The following SECISBP2L variants were observed in gnomAD, a reference collection of about 807,000 sequenced individuals.
SECISBP2L encodes selenocysteine insertion sequence-binding protein 2-like.
SECISBP2L carries 43 observed loss-of-function variants against 114.7 expected under a neutral mutation model. The ratio of observed to expected loss-of-function variants is 0.38; its 90% CI spans 0.29 to 0.48. The LOEUF (loss-of-function observed/expected upper bound fraction) is 0.48. Among genes scored for constraint, SECISBP2L ranks in the 20% least tolerant of loss-of-function variants. The pLI is 0.98. For missense variants in SECISBP2L, 1,136 were observed against 1,301.1 expected (o/e 0.87, Z 1.95); for synonymous variants, 451 against 439.7 (o/e 1.03, Z -0.32).
chr15:49,028,496 G>A lies in SECISBP2L; in HGVS notation c.851C>T (p.Pro284Leu). Residue 284 changes from proline (P) to leucine (L), a missense_variant, in exon 5 of 18, where the codon CCT (proline) becomes CTT (leucine). Physicochemically the swap from Pro to Leu is moderately conservative, Grantham distance 98. Around this residue, in one of 2 missense-constraint regions of SECISBP2L, gnomAD observed 452 missense variants for 452.3 expected, o/e 1.00. Coordinates refer to ENST00000559471, the MANE Select transcript of SECISBP2L (RefSeq NM_001193489.2). Reference protein sequence around the residue: ...YCSPKHSNNQPAAGALRNPDS... With the variant: ...YCSPKHSNNQLAAGALRNPDS... Reference sequence around the variant, plus strand: ...AGGATTTCTCAAAGCCCCTGCTGCAGGCTGGTTGTTGCTGTGTTTGGGACT... The same window carrying A: ...AGGATTTCTCAAAGCCCCTGCTGCAAGCTGGTTGTTGCTGTGTTTGGGACT... 1 of 1,614,152 alleles carries A rather than the reference G, an allele frequency of 6.2e-7. No homozygotes were observed.
intron 1 of SECISBP2L, among the ~76,000 whole-genome samples, chr15:49,038,756 T>C (rs1006687060): frequency 6.6e-6 from 1 of 152,138 alleles, no homozygotes; most frequent in Admixed American, 6.5e-5. Context: ...AAAAATCATA[T>C]AAATATTATA....
intron 2 of SECISBP2L, 58 bp downstream of exon 2, chr15:49,037,533 A>G: frequency 6.8e-7 from 1 of 1,477,432 alleles, no homozygotes. Context: ...TATTAAGTGC[A>G]CTTTGCCAGC....
At chr15:49,024,421 G>A (rs763146832) in intron 7 of SECISBP2L, among the ~76,000 whole-genome samples, 1 of 151,490 alleles carries the variant, frequency 6.6e-6, no homozygotes, top group Non-Finnish European at 1.5e-5. Context: ...ACTTGAACCC[G>A]GGAGGCGGAG....
intron 11 of SECISBP2L, among the ~76,000 whole-genome samples, chr15:49,014,988 T>G (rs1357558597): frequency 1.3e-5 from 2 of 151,900 alleles, no homozygotes; most frequent in African/African-American, 4.8e-5. Flanking sequence ...TATCACAGGT[T>G]AACAATCTCG....
In SECISBP2L at chr15:48,990,405, T is replaced by C. The variant is rs566734331; in HGVS notation, c.*1839A>G. ...GTAAGATCTGCCATGTATAAATCCA[T>C]GAGTACTATTTCAGAGGCTTCATTC... On this transcript the variant is annotated 3_prime_UTR_variant, in exon 18 of 18. Transcript: ENST00000559471. 3 of 152,498 alleles carry C rather than the reference T, an allele frequency of 2.0e-5. No homozygotes were observed. Among genetic ancestry groups the C allele is most frequent in the Admixed American group, 6.5e-5 (1 of 15,306 alleles). The allele number at this position is 152,498 out of a possible 1,614,324, so 9.4% of individuals were successfully genotyped here. A position where few individuals can be genotyped will look rare whatever the true frequency, so the allele number is the denominator to read the frequency against.
intron 3 of SECISBP2L, 110 bp downstream of exon 3, chr15:49,035,224 T>C: frequency 1.1e-6 from 1 of 890,278 alleles, no homozygotes; most frequent in East Asian, 2.6e-5. Flanking sequence ...TAGTGAACAA[T>C]ATGTTTTATA....
intron 1 of SECISBP2L, among the ~76,000 whole-genome samples, chr15:49,039,811 T>C (rs1903087044): frequency 6.6e-6 from 1 of 152,120 alleles, no homozygotes; most frequent in Non-Finnish European, 1.5e-5. Context: ...ATTATAGGCA[T>C]GAGCCTGGCC....
intron 11 of SECISBP2L, 144 bp from the exon 12 acceptor site, chr15:49,012,961 C>G (rs1193585358): frequency 1.4e-5 from 10 of 713,154 alleles, no homozygotes; most frequent in Non-Finnish European, 1.8e-5. Flanking sequence ...CATGGCTAGG[C>G]AGTGTCCCTC....
At chr15:49,027,112 G>A (rs928679935) in intron 7 of SECISBP2L, among the ~76,000 whole-genome samples, 2 of 152,240 alleles carry the variant, frequency 1.3e-5, no homozygotes, top group East Asian at 3.9e-4. Context: ...GGATTAAAGG[G>A]CATCCTTTTT....
intron 1 of SECISBP2L, among the ~76,000 whole-genome samples, chr15:49,044,259 T>C (rs1037893509): frequency 6.6e-6 from 1 of 152,144 alleles, no homozygotes; most frequent in Non-Finnish European, 1.5e-5. Flanking sequence ...ATAGTAGAAA[T>C]ACAAAAGTAT....
intron 1 of SECISBP2L, 123 bp downstream of exon 1, chr15:49,046,153 G>A: frequency 3.5e-6 from 4 of 1,151,176 alleles, no homozygotes; most frequent in South Asian, 1.4e-5. Context: ...CAGGCTCCCA[G>A]GTGAGGGGGT....
intron 1 of SECISBP2L, among the ~76,000 whole-genome samples, chr15:49,044,624 A>C (rs1294629088): frequency 6.6e-6 from 1 of 152,190 alleles, no homozygotes; most frequent in African/African-American, 2.4e-5. Flanking sequence ...AAGAAAAAAA[A>C]GTCAACAGAA....
At position 49,017,028 on chromosome 15, in the gene SECISBP2L, G is replaced by GA. The variant is rs763152588; in HGVS notation, c.1252-14dup. The GA allele has an allele frequency of 1.7e-5, 28 of 1,602,562 alleles. No homozygotes were observed. The highest frequency in any genetic ancestry group is 3.4e-5 in the South Asian group (3 of 88,908). ...GTAAATCATCCAACTATGATAACCA[G>GA]AAAAAACACATTTGTTAGTGATCCC... On this transcript the variant is annotated splice_polypyrimidine_tract_variant and intron_variant, in intron 9 of 17. Transcript: ENST00000559471.
At chr15:49,043,444 T>C (rs538256402) in intron 1 of SECISBP2L, among the ~76,000 whole-genome samples, 2 of 152,284 alleles carry the variant, frequency 1.3e-5, no homozygotes, top group South Asian at 4.1e-4. Context: ...AACATTTAAA[T>C]TATTTGTGAT....
At chr15:49,019,672 A>C (rs1902603496) in intron 7 of SECISBP2L, 120 bp from the exon 8 acceptor site, 1 of 746,740 alleles carries the variant, frequency 1.3e-6, no homozygotes, top group Admixed American at 4.3e-5. Flanking sequence ...ATTTTCACCA[A>C]GTGCATCACT....
chr15:49,018,218 C>T (rs1478103199), intron 8 of SECISBP2L, among the ~76,000 whole-genome samples: 1 of 151,462 alleles, frequency 6.6e-6, no homozygotes, highest in East Asian at 1.9e-4. Context: ...CTCTCAAGTC[C>T]TTTGGCTCAA....
chr15:48,996,693 A>G (rs1902099792), intron 16 of SECISBP2L, 107 bp from the exon 17 acceptor site: 4 of 919,606 alleles, frequency 4.3e-6, no homozygotes, highest in Non-Finnish European at 6.6e-6. Context: ...GACACTTTCA[A>G]TGAGGACAAA....
intron 1 of SECISBP2L, among the ~76,000 whole-genome samples, chr15:49,040,815 A>G (rs920465425): frequency 2.0e-5 from 3 of 151,486 alleles, no homozygotes; most frequent in South Asian, 2.1e-4. Context: ...TGGGATTACA[A>G]GCGTGAGCCA....
chr15:49,016,508 T>A (rs1227532877), intron 11 of SECISBP2L, 52 bp downstream of exon 11: 12 of 1,543,462 alleles, frequency 7.8e-6, no homozygotes, highest in Non-Finnish European at 1.0e-5. Flanking sequence ...TAACAACATC[T>A]AACATATATT....
Sources: gnomAD v4.1 joint callset for allele counts (sites outside exome capture counted in the v4.1 genomes callset) on GRCh38, gnomAD v4.1.1 for gene constraint, gnomAD v4.1.1 regional missense constraint, MANE v1.5 for transcripts, NCBI Gene and HGNC (gene_info 2026-07-23, HGNC 2026-07-21) for gene names.